Variants in CDK6 observed in about 807,000 individuals in gnomAD.
CDK6 encodes the protein cyclin-dependent kinase 6.
A neutral mutation model predicts 37.1 loss-of-function variants in CDK6; 6 were observed. The observed-to-expected ratio is 0.16, with a 90% confidence interval of 0.09 to 0.32. The LOEUF is 0.32. CDK6 is among the 10% of genes least tolerant of loss of function. The pLI, the probability that CDK6 is intolerant of heterozygous loss-of-function variation, is 1.00. For missense variants in CDK6, 224 were observed against 418.9 expected (o/e 0.53, Z 4.06); for synonymous variants, 160 against 161.3 (o/e 0.99, Z 0.06).
Position 92,614,198 on chromosome 7 carries a change from CA to C in CDK6, c.*941del, listed in dbSNP as rs1213281701. ...AAAACAAAATAACAACAACAAACAA[CA>C]ATAACAACAACAAAAAAAGGGAAGA... On this transcript the variant is annotated 3_prime_UTR_variant, in exon 8 of 8. Transcript: ENST00000424848. The C allele has an allele frequency of 4.3e-6, 1 of 232,768 alleles. No individual in the cohort carries two copies. Among genetic ancestry groups the C allele is most frequent in the Non-Finnish European group, 8.5e-6 (1 of 117,946 alleles). 14.4% of individuals were successfully genotyped at this position (232,768 alleles called of 1,614,324 possible).
At chr7:92,763,085 TA>T in intron 3 of CDK6, among the ~76,000 whole-genome samples, 1 of 152,252 alleles carries the variant, frequency 6.6e-6, no homozygotes, top group African/African-American at 2.4e-5. Flanking sequence ...GGCCAAGAAA[TA>T]AAAAATTAAC....
chr7:92,604,996 A>G lies in CDK6; in HGVS notation c.*10144T>C, dbSNP rs1189643254. ...ATTTTACATTAAAGTAAAAAAGAAA[A>G]TAGCCAGGAGAGTAATTCATCTCCA... On this transcript the variant is annotated 3_prime_UTR_variant, in exon 8 of 8. Coordinates refer to ENST00000424848, the MANE Select transcript of CDK6 (RefSeq NM_001145306.2). 13 of 227,624 alleles carry G rather than the reference A, an allele frequency of 5.7e-5. No homozygotes were observed. Among genetic ancestry groups the G allele is most frequent in the Non-Finnish European group, 1.1e-4 (13 of 114,772 alleles). 14.1% of individuals were successfully genotyped at this position (227,624 alleles called of 1,614,324 possible).
intron 2 of CDK6, among the ~76,000 whole-genome samples, chr7:92,803,160 C>T (rs1349234577): frequency 1.3e-5 from 2 of 152,144 alleles, no homozygotes; most frequent in African/African-American, 4.8e-5. Flanking sequence ...GGCTATCTTG[C>T]ACAATCAACC....
chr7:92,803,278 A>C (rs1248325705), intron 2 of CDK6, among the ~76,000 whole-genome samples: 4 of 152,234 alleles, frequency 2.6e-5, no homozygotes, highest in African/African-American at 9.6e-5. Flanking sequence ...TGAGGAAAGA[A>C]GACATGCACA....
At chr7:92,814,963 A>G (rs2115956540) in intron 2 of CDK6, among the ~76,000 whole-genome samples, 1 of 152,260 alleles carries the variant, frequency 6.6e-6, no homozygotes, top group East Asian at 1.9e-4. Context: ...AGTGAATATC[A>G]GTGACATGCT....
chr7:92,632,951 T>C (rs1442026572), intron 5 of CDK6, among the ~76,000 whole-genome samples: 22 of 149,266 alleles, frequency 1.5e-4, no homozygotes, highest in Non-Finnish European at 1.3e-4. Flanking sequence ...TTTTTTTTTT[T>C]TTTTTCCAAA....
rs547274104 is a variant in CDK6, at chr7:92,618,496, T to G, written c.699-289A>C. 5.3e-5 allele frequency among the ~76,000 whole-genome samples: 8 copies of G among 152,260 alleles called. No individual in the cohort carries two copies. The East Asian group carries it at 1.5e-3, about 29-fold the overall frequency. ...TAAGGGATGATGTAGAAATAGAAAATATATTACCAGGCAGTAAGCTCTGAC... is the reference window on the plus strand; with the variant it reads ...TAAGGGATGATGTAGAAATAGAAAAGATATTACCAGGCAGTAAGCTCTGAC... On this transcript the variant is annotated intron_variant, in intron 6 of 7. Coordinates refer to ENST00000424848, the MANE Select transcript of CDK6 (RefSeq NM_001145306.2).
chr7:92,693,848 TTA>T (rs1245442260), intron 4 of CDK6, among the ~76,000 whole-genome samples: 2 of 152,178 alleles, frequency 1.3e-5, no homozygotes, highest in Non-Finnish European at 2.9e-5. Context: ...TGTGAGAAGT[TTA>T]TAGTGAAATT....
At chr7:92,776,065 C>G (rs536438393) in intron 2 of CDK6, among the ~76,000 whole-genome samples, 1 of 151,192 alleles carries the variant, frequency 6.6e-6, no homozygotes, top group South Asian at 2.1e-4. Context: ...TCCCCTAACC[C>G]CCCCACCCCG....
Position 92,674,727 on chromosome 7 carries a change from C to T in CDK6, c.538-3192G>A, listed in dbSNP as rs535487108. On this transcript the variant is annotated intron_variant, in intron 4 of 7. Coordinates refer to ENST00000424848, the MANE Select transcript of CDK6 (RefSeq NM_001145306.2). Reference sequence around the variant, plus strand: ...GAAATACACAGATATCATGAAGGCACACACTTATCTTTCTACCTCAATTCA... The same window carrying T: ...GAAATACACAGATATCATGAAGGCATACACTTATCTTTCTACCTCAATTCA... Among the ~76,000 whole-genome samples, 3 of 152,384 alleles carry T rather than the reference C, an allele frequency of 2.0e-5. No homozygotes were observed. In the East Asian group the frequency reaches 5.8e-4, roughly 29 times the overall value.
At position 92,614,182 on chromosome 7, in the gene CDK6, T is replaced by C. The variant is rs554492814; in HGVS notation, c.*958A>G. 3 of 231,880 alleles carry C rather than the reference T, an allele frequency of 1.3e-5. No individual in the cohort carries two copies. The highest frequency in any genetic ancestry group is 2.5e-5 in the Non-Finnish European group (3 of 117,678). 14.4% of individuals were successfully genotyped at this position (231,880 alleles called of 1,614,324 possible). A position where few individuals can be genotyped will look rare whatever the true frequency, so the allele number is the denominator to read the frequency against. On this transcript the variant is annotated 3_prime_UTR_variant, in exon 8 of 8. Transcript: ENST00000424848. ...CAAATTCCTAAAAACAAAAACAAAA[T>C]AACAACAACAAACAACAATAACAAC...
At chr7:92,637,964 A>G (rs1796211478) in intron 5 of CDK6, among the ~76,000 whole-genome samples, 1 of 152,212 alleles carries the variant, frequency 6.6e-6, no homozygotes, top group South Asian at 2.1e-4. Flanking sequence ...TTTAAAGCTT[A>G]CAAAGCATTA....
At chr7:92,825,387 A>G (rs1199120664) in intron 2 of CDK6, among the ~76,000 whole-genome samples, 1 of 152,106 alleles carries the variant, frequency 6.6e-6, no homozygotes, top group Non-Finnish European at 1.5e-5. Context: ...TGCTTGGGAT[A>G]CTGCAAGGAA....
At chr7:92,684,866 A>G (rs556955498) in intron 4 of CDK6, among the ~76,000 whole-genome samples, 2 of 152,212 alleles carry the variant, frequency 1.3e-5, no homozygotes, top group Admixed American at 1.3e-4. Context: ...ATTAAAAAAA[A>G]TCATATTACT....
intron 2 of CDK6, among the ~76,000 whole-genome samples, chr7:92,795,143 A>T (rs572788445): frequency 2.0e-5 from 3 of 152,238 alleles, no homozygotes; most frequent in South Asian, 4.1e-4. Flanking sequence ...CAAGTCTCTG[A>T]AAAGTTATTG....
At chr7:92,759,697 CAAAAAAAA>C (rs61188860) in intron 3 of CDK6, among the ~76,000 whole-genome samples, 4 of 74,142 alleles carry the variant, frequency 5.4e-5, no homozygotes, top group Admixed American at 4.5e-4. Flanking sequence ...GACTTTAAGG[CAAAAAAAA>C]AAAAAAAAAA....
At chr7:92,632,205 C>A (rs1308804398) in intron 5 of CDK6, among the ~76,000 whole-genome samples, 1 of 152,100 alleles carries the variant, frequency 6.6e-6, no homozygotes, top group Admixed American at 6.6e-5. Flanking sequence ...CGGATGTCAG[C>A]AAAATGACAT....
intron 2 of CDK6, among the ~76,000 whole-genome samples, chr7:92,797,051 A>C (rs970160685): frequency 6.6e-6 from 1 of 152,180 alleles, no homozygotes; most frequent in Non-Finnish European, 1.5e-5. Flanking sequence ...TGTGATGACA[A>C]CTAAACGGTA....
At chr7:92,725,384 G>A (rs1308124517) in intron 4 of CDK6, 2 of 917,634 alleles carry the variant, frequency 2.2e-6, no homozygotes, top group Non-Finnish European at 1.3e-6. Flanking sequence ...CCTGTCCAGT[G>A]GCTAAGATGC....
Sources: allele counts gnomAD v4.1 joint callset (sites outside exome capture counted in the v4.1 genomes callset), GRCh38; gene constraint gnomAD v4.1.1; transcripts MANE v1.5; gene names NCBI Gene and HGNC (gene_info 2026-07-23, HGNC 2026-07-21).